LONP1: variants seen among roughly 807,000 people sequenced by gnomAD.
LONP1 encodes lon peptidase 1, mitochondrial.
In LONP1, 31 loss-of-function variants were observed where a neutral mutation model predicts 98.5. That is an observed-to-expected ratio of 0.31 (90% CI 0.24 to 0.42). LONP1 has a LOEUF of 0.42. Ranked by LOEUF, LONP1 falls within the 20% of genes least tolerant of loss-of-function variation. The pLI, the probability that LONP1 is intolerant of heterozygous loss-of-function variation, is 1.00. For missense variants in LONP1, 1,336 were observed against 1,350.6 expected (o/e 0.99, Z 0.17); for synonymous variants, 781 against 594.7 (o/e 1.31, Z -4.56).
chr19:5,694,074 G>A (rs1344267170), intron 15 of LONP1, among the ~76,000 whole-genome samples: 1 of 152,112 alleles, frequency 6.6e-6, no homozygotes, highest in Non-Finnish European at 1.5e-5. Context: ...AGCCCCTCCC[G>A]CACCATCCCC....
intron 2 of LONP1, among the ~76,000 whole-genome samples, chr19:5,713,824 A>G (rs1321533027): frequency 6.6e-6 from 1 of 152,062 alleles, no homozygotes; most frequent in Non-Finnish European, 1.5e-5. Context: ...CAGCCTCCCA[A>G]AGTGCTGGGA....
At chr19:5,709,519 C>T (rs937160496) in intron 4 of LONP1, among the ~76,000 whole-genome samples, 1 of 151,796 alleles carries the variant, frequency 6.6e-6, no homozygotes, top group Non-Finnish European at 1.5e-5. Context: ...CCGTAATCAC[C>T]TGGTCTCTAG....
At position 5,713,146 on chromosome 19, in the gene LONP1, A is replaced by G; in HGVS notation, c.626T>C (p.Met209Thr). The change falls in exon 3 of 18, where the codon ATG becomes ACG. Residue 209 changes from methionine to threonine, a missense_variant. Met to Thr is a moderately conservative substitution (Grantham distance 81). Around this residue, in one of 5 missense-constraint regions of LONP1, gnomAD observed 457 missense variants for 403.1 expected, o/e 1.13. Transcript: ENST00000360614. ...DLGDKLRMIV[M>T]GHRRVHISRQ... Reference sequence around the variant, plus strand: ...GCCAGCCACCCACCTTCTGTGTCCCATGACGATCATGCGCAGCTTGTCCCC... The same window carrying G: ...GCCAGCCACCCACCTTCTGTGTCCCGTGACGATCATGCGCAGCTTGTCCCC... 6 of 1,613,442 alleles carry G rather than the reference A, an allele frequency of 3.7e-6. No individual in the cohort carries two copies. The highest frequency in any genetic ancestry group is 3.3e-4 in the Middle Eastern group (2 of 6,058).
chr19:5,711,716 A>G, intron 4 of LONP1, 55 bp downstream of exon 4: 1 of 1,472,322 alleles, frequency 6.8e-7, no homozygotes, highest in Non-Finnish European at 9.4e-7. Context: ...GGAACGGCTC[A>G]AGGGAGCCCG....
intron 1 of LONP1, among the ~76,000 whole-genome samples, chr19:5,716,259 C>CACATATATATATATATAT (rs2055317731): frequency 3.9e-5 from 3 of 77,236 alleles, no homozygotes; most frequent in African/African-American, 1.6e-4. Context: ...TTAAAATATA[C>CACATATATATATATATAT]ATATATATAT....
intron 1 of LONP1, among the ~76,000 whole-genome samples, chr19:5,715,699 C>T (rs981621461): frequency 8.3e-5 from 12 of 143,978 alleles, no homozygotes; most frequent in African/African-American, 3.1e-4. Context: ...ACTCTGCCAC[C>T]CAGGCTGGAG....
chr19:5,719,602 C>G, intron 1 of LONP1, 102 bp downstream of exon 1: 1 of 1,578,418 alleles, frequency 6.3e-7, no homozygotes, highest in Non-Finnish European at 8.6e-7. Flanking sequence ...AACTTCATGT[C>G]TGAAAAAGTT....
rs1230948821 is a variant in LONP1, at chr19:5,693,591, G to A, written c.2499C>T (p.Asp833=). 3 of 1,614,036 alleles carry A rather than the reference G, an allele frequency of 1.9e-6. No homozygotes were observed. In the Admixed American group the frequency reaches 5.0e-5, roughly 27 times the overall value. The change falls in exon 16 of 18, where the codon GAC becomes GAT. Residue 833 remains aspartate, a synonymous_variant. Transcript: ENST00000360614. The part of the protein sequence containing the change: ...AFLMQHAPAN[D]YLVTSHIHLH... ...GGTGGATGTGTGAGGTCACCAGGTA[G>A]TCATTGGCGGGGGCGTGCTGCATGA...
Position 5,691,993 on chromosome 19 carries a change from A to G in LONP1, c.*39T>C. ...CACAGCGCTCAGTTCTGGCCCAGAC[A>G]GGGCCTGACATCCGCCGCCTGCAGT... is the stretch of plus-strand genomic sequence containing the variant. On this transcript the variant is annotated 3_prime_UTR_variant, in exon 18 of 18. Transcript: ENST00000360614. 1 of 1,590,174 alleles carries G rather than the reference A, an allele frequency of 6.3e-7. No homozygotes were observed. The highest frequency in any genetic ancestry group is 8.6e-7 in the Non-Finnish European group (1 of 1,167,270).
chr19:5,705,640 GA>G, intron 8 of LONP1, 131 bp downstream of exon 8: 1 of 675,504 alleles, frequency 1.5e-6, no homozygotes, highest in Non-Finnish European at 2.6e-6. Flanking sequence ...ATACTCGCTG[GA>G]TGCCTCCCAG....
At position 5,715,643 on chromosome 19, in the gene LONP1, TAAAAAAAAAAAAAAAAAA is replaced by T. The variant is rs527565499; in HGVS notation, c.430-1390_430-1373del. Among the ~76,000 whole-genome samples the T allele has an allele frequency of 2.3e-3, 70 of 31,092 alleles. 1 individual carries two copies. Among genetic ancestry groups the T allele is most frequent in the East Asian group, 8.8e-3 (4 of 456 alleles). 20.4% of individuals were successfully genotyped at this position (31,092 alleles called of 152,430 possible). ...GGCGACAGAGTGAGACTCTGTCTCA[TAAAAAAAAAAAAAAAAAA>T]AAAAAAAAAAAAAAAAAAGAAAGTT... On this transcript the variant is annotated intron_variant, in intron 1 of 17. Transcript: ENST00000360614.
chr19:5,720,220 C>G (rs1337286273), upstream of LONP1: 10 of 1,381,146 alleles, frequency 7.2e-6, no homozygotes, highest in Admixed American at 2.8e-4. Context: ...CCTCGGTACC[C>G]GATGGGCGCG....
rs371040522 is a variant in LONP1, at chr19:5,694,451, G to C, written c.2256C>G (p.Thr752=). 6.2e-7 allele frequency: 1 copy of C among 1,613,452 alleles called. No individual in the cohort carries two copies. The highest frequency in any genetic ancestry group is 8.5e-7 in the Non-Finnish European group (1 of 1,180,014). Residue 752 remains threonine (T), a synonymous_variant, in exon 15 of 18, where the codon ACC becomes ACG. Coordinates refer to ENST00000360614, the MANE Select transcript of LONP1 (RefSeq NM_004793.4). ...GTGTCACGTCATACATGCGCTCCAC[G>C]GTGAACACGGGCTTCCCCACGAAGT... ...LQDFVGKPVF[T]VERMYDVTPP... is the part of the protein sequence containing the mutation.
intron 1 of LONP1, among the ~76,000 whole-genome samples, chr19:5,715,436 G>A (rs1191311864): frequency 6.6e-6 from 1 of 150,556 alleles, no homozygotes; most frequent in Non-Finnish European, 1.5e-5. Flanking sequence ...AAGGTCAGGA[G>A]ATCGAGACCA....
At position 5,694,773 on chromosome 19, in the gene LONP1, C is replaced by G. The variant is rs1241342635; in HGVS notation, c.2142G>C (p.Lys714Asn). 3.1e-6 allele frequency: 5 copies of G among 1,591,012 alleles called. No homozygotes were observed. The highest frequency in any genetic ancestry group is 2.7e-5 in the African/African-American group (2 of 74,664). ...CRESGVRNLQ[K>N]QVEKVLRKSA... ...GCTGGCCGCTCACCTTCTCCACTTG[C>G]TTCTGCAGGTTGCGGACACCGCTCT... The change falls in exon 14 of 18, where the codon AAG (lysine) becomes AAC (asparagine). Residue 714 changes from lysine (K) to asparagine (N), a missense_variant. Physicochemically the swap from Lys to Asn is moderately conservative, Grantham distance 94. Transcript: ENST00000360614.
chr19:5,698,951 A>G lies in LONP1; in HGVS notation c.1685+76T>C, dbSNP rs897478389. 4 of 1,445,480 alleles carry G rather than the reference A, an allele frequency of 2.8e-6. No homozygotes were observed. The African/African-American group carries it at 5.8e-5, about 21-fold the overall frequency. The allele number at this position is 1,445,480 out of a possible 1,614,324, so 89.5% of individuals were successfully genotyped here. A position where few individuals can be genotyped will look rare whatever the true frequency, so the allele number is the denominator to read the frequency against. The stretch of plus-strand genomic sequence containing the variant: ...CCCGGATTGCTCTACCAGATGTTAA[A>G]GGGTGACCGGAGAAGACGAAGCCCG... On this transcript the variant is annotated intron_variant, in intron 10 of 17. Coordinates refer to ENST00000360614, the MANE Select transcript of LONP1 (RefSeq NM_004793.4).
chr19:5,693,269 T>G, intron 17 of LONP1, 29 bp downstream of exon 17: 2 of 1,586,260 alleles, frequency 1.3e-6, no homozygotes, highest in East Asian at 4.5e-5. Context: ...GCCCTGCCAG[T>G]GCTGTGGGGT....
Position 5,692,218 on chromosome 19 carries a change from G to T in LONP1, c.2704-10C>A, listed in dbSNP as rs367668631. The T allele has an allele frequency of 6.2e-7, 1 of 1,607,694 alleles. No individual in the cohort carries two copies. Among genetic ancestry groups the T allele is most frequent in the Non-Finnish European group, 8.5e-7 (1 of 1,175,996 alleles). On this transcript the variant is annotated splice_polypyrimidine_tract_variant and intron_variant, in intron 17 of 17. Coordinates refer to ENST00000360614, the MANE Select transcript of LONP1 (RefSeq NM_004793.4). ...CCCCTGCGCGCTTGGCCTGGGGGCA[G>T]AGTCAGGGTCAGCCCTGCCTGGGCC...
intron 8 of LONP1, among the ~76,000 whole-genome samples, chr19:5,701,773 C>T (rs1358779437): frequency 6.6e-6 from 1 of 151,870 alleles, no homozygotes; most frequent in Non-Finnish European, 1.5e-5. Context: ...AAGTGAGGAG[C>T]GTCTCTGCCT....
Sources: allele counts gnomAD v4.1 joint callset (sites outside exome capture counted in the v4.1 genomes callset), GRCh38; gene constraint gnomAD v4.1.1; regional missense constraint gnomAD v4.1.1; transcripts MANE v1.5; gene names NCBI Gene and HGNC (gene_info 2026-07-23, HGNC 2026-07-21).